The following SPRY2 variants were observed in gnomAD, a reference collection of about 807,000 sequenced individuals.
SPRY2 encodes the protein sprouty RTK signaling antagonist 2, also known as protein sprouty homolog 2.
Under a neutral mutation model 23.4 loss-of-function variants are expected in SPRY2, and 10 were observed. The ratio of observed to expected loss-of-function variants is 0.43; its 90% CI spans 0.26 to 0.73. The LOEUF (loss-of-function observed/expected upper bound fraction) is 0.73. SPRY2 is among the 30% of genes least tolerant of loss of function. The probability of loss-of-function intolerance (pLI) is 0.22; values close to 1 mark genes in which losing one functional copy is unlikely to be tolerated. For missense variants in SPRY2, 344 were observed against 396.9 expected (o/e 0.87, Z 1.13); for synonymous variants, 170 against 156.9 (o/e 1.08, Z -0.62).
chr13:80,336,610 G>C lies in SPRY2; in HGVS notation c.*148C>G. 1 of 862,546 alleles carries C rather than the reference G, an allele frequency of 1.2e-6. No individual in the cohort carries two copies. The highest frequency in any genetic ancestry group is 1.8e-6 in the Non-Finnish European group (1 of 542,238). 53.4% of individuals were successfully genotyped at this position (862,546 alleles called of 1,614,324 possible). Reference sequence around the variant, plus strand: ...AAGCATATCAGTTAAAACGGCACATGGACAAAAAGCATTTCACCGCAAACA... The same window carrying C: ...AAGCATATCAGTTAAAACGGCACATCGACAAAAAGCATTTCACCGCAAACA... On this transcript the variant is annotated 3_prime_UTR_variant, in exon 2 of 2. Transcript: ENST00000377104.
Position 80,337,374 on chromosome 13 carries a change from A to T in SPRY2, c.332T>A (p.Ile111Lys). Residue 111 changes from isoleucine (I) to lysine (K), a missense_variant, in exon 2 of 2, where the codon ATA becomes AAA. By Grantham distance (102) the Ile-to-Lys change is moderately radical. Transcript: ENST00000377104. The part of the protein sequence containing the change: ...SSARAPLSRS[I>K]STVSSGSRSS... ...CCGCGACCCTGAGCTGACCGTGCTT[A>T]TGGATCTGGACAGAGGGGCTCGTGC... 6.2e-7 allele frequency: 1 copy of T among 1,614,136 alleles called. No homozygotes were observed. Among genetic ancestry groups the T allele is most frequent in the Non-Finnish European group, 8.5e-7 (1 of 1,180,020 alleles).
chr13:80,337,008 T>A lies in SPRY2; in HGVS notation c.698A>T (p.Asp233Val). The change falls in exon 2 of 2, where the codon GAT (aspartate) becomes GTT (valine). Residue 233 changes from aspartate (D) to valine (V), a missense_variant. Asp to Val is a radical substitution (Grantham distance 152). Coordinates refer to ENST00000377104, the MANE Select transcript of SPRY2 (RefSeq NM_005842.4). ...KGLFYHCSND[D>V]EDNCADNPCS... ...TGGGTTGTCAGCACAGTTGTCCTCA[T>A]CATCATTAGAACAGTGATAGAAGAG... 1 of 1,614,112 alleles carries A rather than the reference T, an allele frequency of 6.2e-7. No individual in the cohort carries two copies. Among genetic ancestry groups the A allele is most frequent in the East Asian group, 2.2e-5 (1 of 44,898 alleles).
rs1048334913 is a variant in SPRY2 at position 80,336,634 on chromosome 13, C to T, written c.*124G>A. The T allele has an allele frequency of 3.3e-5, 35 of 1,046,326 alleles. No individual in the cohort carries two copies. Among genetic ancestry groups the T allele is most frequent in the Non-Finnish European group, 4.7e-5 (33 of 701,148 alleles). The allele number at this position is 1,046,326 out of a possible 1,614,324, so 64.8% of individuals were successfully genotyped here. On this transcript the variant is annotated 3_prime_UTR_variant, in exon 2 of 2. Coordinates refer to ENST00000377104, the MANE Select transcript of SPRY2 (RefSeq NM_005842.4). ...TGGACAAAAAGCATTTCACCGCAAACAGCAAAGACTATCCCACCTTTCTAT... is the reference window on the plus strand; with the variant it reads ...TGGACAAAAAGCATTTCACCGCAAATAGCAAAGACTATCCCACCTTTCTAT...
Position 80,337,225 on chromosome 13 carries a change from C to T in SPRY2, c.481G>A (p.Gly161Ser). The change falls in exon 2 of 2, where the codon GGT becomes AGT. Residue 161 changes from glycine (G) to serine (S), a missense_variant. Transcript: ENST00000377104. ...TCCTTGCTCAGTGGCTTAAGCTCAC[C>T]TGGCTTGAGCTCAGATTTGGGTTGC... ...RVQPKSELKP[G>S]ELKPLSKEDL... The T allele has an allele frequency of 1.2e-6, 2 of 1,611,694 alleles. No individual in the cohort carries two copies. Among genetic ancestry groups the T allele is most frequent in the Non-Finnish European group, 8.5e-7 (1 of 1,177,888 alleles).
rs1460684257 is a variant in SPRY2, at chr13:80,336,655, T to G, written c.*103A>C. The G allele has an allele frequency of 1.6e-6, 2 of 1,212,266 alleles. No homozygotes were observed. The highest frequency in any genetic ancestry group is 2.4e-6 in the Non-Finnish European group (2 of 847,052). The allele number at this position is 1,212,266 out of a possible 1,614,324, so 75.1% of individuals were successfully genotyped here. On this transcript the variant is annotated 3_prime_UTR_variant, in exon 2 of 2. Transcript: ENST00000377104. Reference sequence around the variant, plus strand: ...CAAACAGCAAAGACTATCCCACCTTTCTATTAACAGTGCCAAGATTATAAC... The same window carrying G: ...CAAACAGCAAAGACTATCCCACCTTGCTATTAACAGTGCCAAGATTATAAC...
At chr13:80,339,668 GA>G (rs1237329027) in intron 1 of SPRY2, 1 of 151,168 alleles carries the variant, frequency 6.6e-6, no homozygotes, top group Non-Finnish European at 1.5e-5. Flanking sequence ...CCTCCCCTTT[GA>G]AAGTGCTTTG....
chr13:80,339,154 C>T (rs1010059828), intron 1 of SPRY2: 1 of 152,420 alleles, frequency 6.6e-6, no homozygotes, highest in African/African-American at 2.4e-5. Flanking sequence ...AGCCACTCCG[C>T]CCCCAGGCAG....
In SPRY2 at chr13:80,336,502, G is replaced by C. The variant is rs956090973; in HGVS notation, c.*256C>G. ...ACAAACAAAAACTTTGCCTAGGAGT[G>C]TCTGTGTTGCTTTAGCTTATGCAAT... On this transcript the variant is annotated 3_prime_UTR_variant, in exon 2 of 2. Coordinates refer to ENST00000377104, the MANE Select transcript of SPRY2 (RefSeq NM_005842.4). 1.8e-6 allele frequency: 1 copy of C among 552,462 alleles called. No homozygotes were observed. 34.2% of individuals were successfully genotyped at this position (552,462 alleles called of 1,614,324 possible).
chr13:80,336,742 T>G lies in SPRY2; in HGVS notation c.*16A>C, dbSNP rs1236138792. 3 of 1,610,298 alleles carry G rather than the reference T, an allele frequency of 1.9e-6. No homozygotes were observed. The highest frequency in any genetic ancestry group is 2.5e-6 in the Non-Finnish European group (3 of 1,177,422). ...AGAAAAAATCCTCATTACTGTAATA[T>G]TCCTGATTAATGATGCTATGTTGGT... On this transcript the variant is annotated 3_prime_UTR_variant, in exon 2 of 2. Coordinates refer to ENST00000377104, the MANE Select transcript of SPRY2 (RefSeq NM_005842.4).
rs1880236559 is a variant in SPRY2 at position 80,335,976 on chromosome 13, T to G, written c.*782A>C. 6.6e-6 allele frequency: 1 copy of G among 152,176 alleles called. No homozygotes were observed. The highest frequency in any genetic ancestry group is 6.5e-5 in the Admixed American group (1 of 15,276). The allele number at this position is 152,176 out of a possible 1,614,324, so 9.4% of individuals were successfully genotyped here. On this transcript the variant is annotated 3_prime_UTR_variant, in exon 2 of 2. Transcript: ENST00000377104. ...GATAAAAGAAGACAAAACAGCTCAG[T>G]TTAATTTCAAACGTTAATATATTTT...
rs1454082339 is a variant in SPRY2 at position 80,336,163 on chromosome 13, G to C, written c.*595C>G. The C allele has an allele frequency of 1.3e-5, 2 of 152,690 alleles. No homozygotes were observed. Among genetic ancestry groups the C allele is most frequent in the Admixed American group, 1.3e-4 (2 of 15,380 alleles). 9.5% of individuals were successfully genotyped at this position (152,690 alleles called of 1,614,324 possible). ...TATTCTTTACACTAAACAATATGTT[G>C]AAAAAATTAGAAAATAAAGGTTGAA... On this transcript the variant is annotated 3_prime_UTR_variant, in exon 2 of 2. Coordinates refer to ENST00000377104, the MANE Select transcript of SPRY2 (RefSeq NM_005842.4).
chr13:80,337,674 G>A lies in SPRY2; in HGVS notation c.32C>T (p.Ser11Leu). Residue 11 changes from serine (S) to leucine (L), a missense_variant, in exon 2 of 2, where the codon TCG becomes TTG. Transcript: ENST00000377104. The stretch of plus-strand genomic sequence containing the variant: ...ACGGGGCGTCTGCAGCAAGGGCTGC[G>A]ACCCGTTGCCACTCTGAGCTCTGGC... Reference protein sequence around the residue: MEARAQSGNGSQPLLQTPRDG... With the variant: MEARAQSGNGLQPLLQTPRDG... The A allele has an allele frequency of 6.2e-7, 1 of 1,612,740 alleles. No homozygotes were observed. The highest frequency in any genetic ancestry group is 1.1e-5 in the South Asian group (1 of 91,086).
rs1309986728 is a variant in SPRY2, at chr13:80,340,808, G to A, written c.-238C>T. 1 of 152,236 alleles carries A rather than the reference G, an allele frequency of 6.6e-6. No homozygotes were observed. The highest frequency in any genetic ancestry group is 2.4e-5 in the African/African-American group (1 of 41,466). The allele number at this position is 152,236 out of a possible 1,614,324, so 9.4% of individuals were successfully genotyped here. A position where few individuals can be genotyped will look rare whatever the true frequency, so the allele number is the denominator to read the frequency against. On this transcript the variant is annotated 5_prime_UTR_variant, in exon 1 of 2. Transcript: ENST00000377104. ...CAGATTCCCCGCTGATGAACACTCCGGGGTTCGGAGCTGGAGACGACTCCC... is the reference window on the plus strand; with the variant it reads ...CAGATTCCCCGCTGATGAACACTCCAGGGTTCGGAGCTGGAGACGACTCCC...
intron 1 of SPRY2, chr13:80,338,598 T>C (rs1298159725): frequency 6.6e-6 from 1 of 152,234 alleles, no homozygotes; most frequent in Admixed American, 6.5e-5. Flanking sequence ...GTTTTAAAAA[T>C]TCAAATGTCA....
In SPRY2 at chr13:80,340,817, A is replaced by C. The variant is rs965565581; in HGVS notation, c.-247T>G. ...CGCTGATGAACACTCCGGGGTTCGG[A>C]GCTGGAGACGACTCCCCTTCTACAA... On this transcript the variant is annotated 5_prime_UTR_variant, in exon 1 of 2. Coordinates refer to ENST00000377104, the MANE Select transcript of SPRY2 (RefSeq NM_005842.4). The C allele has an allele frequency of 6.6e-6, 1 of 152,220 alleles. No individual in the cohort carries two copies. Among genetic ancestry groups the C allele is most frequent in the African/African-American group, 2.4e-5 (1 of 41,462 alleles). The allele number at this position is 152,220 out of a possible 1,614,324, so 9.4% of individuals were successfully genotyped here. A position where few individuals can be genotyped will look rare whatever the true frequency, so the allele number is the denominator to read the frequency against.
At chr13:80,339,422 C>CT (rs1380503107) in intron 1 of SPRY2, 1 of 151,990 alleles carries the variant, frequency 6.6e-6, no homozygotes, top group East Asian at 1.9e-4. Context: ...AGAAAAATGG[C>CT]TTTTTAAAAA....
At chr13:80,339,113 A>C (rs1880405977) in intron 1 of SPRY2, 1 of 152,020 alleles carries the variant, frequency 6.6e-6, no homozygotes, top group Non-Finnish European at 1.5e-5. Flanking sequence ...GATCTCCCCC[A>C]ACTCAAGAGA....
In SPRY2 at chr13:80,337,914, T is replaced by C. The variant is rs146863661; in HGVS notation, c.-51-158A>G. Among the ~76,000 whole-genome samples, 10 of 152,348 alleles carry C rather than the reference T, an allele frequency of 6.6e-5. No homozygotes were observed. The East Asian group carries it at 1.9e-3, about 29-fold the overall frequency. On this transcript the variant is annotated intron_variant, in intron 1 of 1. Coordinates refer to ENST00000377104, the MANE Select transcript of SPRY2 (RefSeq NM_005842.4). ...TTAGCCATATGATCAACAACGCATG[T>C]ACCCAAAAGTAAAAATTACGGCGGG...
chr13:80,336,668 C>T lies in SPRY2; in HGVS notation c.*90G>A. The T allele has an allele frequency of 2.3e-6, 3 of 1,309,034 alleles. No individual in the cohort carries two copies. Among genetic ancestry groups the T allele is most frequent in the Non-Finnish European group, 3.2e-6 (3 of 930,780 alleles). The allele number at this position is 1,309,034 out of a possible 1,614,324, so 81.1% of individuals were successfully genotyped here. A position where few individuals can be genotyped will look rare whatever the true frequency, so the allele number is the denominator to read the frequency against. ...CTATCCCACCTTTCTATTAACAGTG[C>T]CAAGATTATAACTGTTTAGTTGGTT... On this transcript the variant is annotated 3_prime_UTR_variant, in exon 2 of 2. Coordinates refer to ENST00000377104, the MANE Select transcript of SPRY2 (RefSeq NM_005842.4).
Sources: allele counts gnomAD v4.1 joint callset (sites outside exome capture counted in the v4.1 genomes callset), GRCh38; gene constraint gnomAD v4.1.1; transcripts MANE v1.5; gene names NCBI Gene and HGNC (gene_info 2026-07-23, HGNC 2026-07-21).